THRB: variants seen among roughly 807,000 people sequenced by gnomAD.
The protein encoded by THRB is thyroid hormone receptor beta, also known as nuclear receptor subfamily 1 group A member 2.
A neutral mutation model predicts 47.8 loss-of-function variants in THRB; 12 were observed. The ratio of observed to expected loss-of-function variants is 0.25; its 90% CI spans 0.16 to 0.41. THRB has a LOEUF of 0.41. THRB is among the 10% of genes least tolerant of loss of function. The probability of loss-of-function intolerance (pLI) is 1.00; values close to 1 mark genes in which losing one functional copy is unlikely to be tolerated. For synonymous variants in THRB, 218 were observed against 212.2 expected (o/e 1.03, Z -0.24); for missense variants, 348 against 589.2 (o/e 0.59, Z 4.24).
chr3:24,245,299 T>C (rs2049998745), intron 3 of THRB, among the ~76,000 whole-genome samples: 1 of 152,156 alleles, frequency 6.6e-6, no homozygotes, highest in South Asian at 2.1e-4. Context: ...CAAATGCTTT[T>C]AACTGCTAAG....
chr3:24,336,084 C>T (rs1319244368), intron 2 of THRB, among the ~76,000 whole-genome samples: 1 of 152,204 alleles, frequency 6.6e-6, no homozygotes, highest in Non-Finnish European at 1.5e-5. Flanking sequence ...CTTAGAGAAC[C>T]ATAGGTCTTG....
intron 1 of THRB, among the ~76,000 whole-genome samples, chr3:24,393,820 T>A (rs1489964961): frequency 1.3e-5 from 2 of 152,122 alleles, no homozygotes; most frequent in East Asian, 1.9e-4. Flanking sequence ...AGGAGATGGA[T>A]CTGATGTGTC....
chr3:24,120,503 G>A lies in THRB; in HGVS notation c.*2381C>T, dbSNP rs1393585599. 6.6e-6 allele frequency: 1 copy of A among 152,250 alleles called. No individual in the cohort carries two copies. The highest frequency in any genetic ancestry group is 3.2e-3 in the Middle Eastern group (1 of 316). 9.4% of individuals were successfully genotyped at this position (152,250 alleles called of 1,614,324 possible). A position where few individuals can be genotyped will look rare whatever the true frequency, so the allele number is the denominator to read the frequency against. On this transcript the variant is annotated 3_prime_UTR_variant, in exon 11 of 11. Transcript: ENST00000646209. ...TACTGAGGACCCTGTCAAACAAAAT[G>A]AGGAAACTTTCCCCAGAAGGCCTGA...
chr3:24,448,900 C>CA (rs1227049975), intron 1 of THRB, among the ~76,000 whole-genome samples: 4 of 152,110 alleles, frequency 2.6e-5, no homozygotes, highest in Non-Finnish European at 4.4e-5. Flanking sequence ...AAATAAATGA[C>CA]AGAGAAGCCC....
intron 1 of THRB, among the ~76,000 whole-genome samples, chr3:24,374,828 T>C (rs2065159513): frequency 6.6e-6 from 1 of 152,100 alleles, no homozygotes; most frequent in Non-Finnish European, 1.5e-5. Context: ...ACATTGAGAA[T>C]AGCTGTTAGT....
chr3:24,306,943 T>TA (rs142405050), intron 2 of THRB, among the ~76,000 whole-genome samples: 1,576 of 152,204 alleles, frequency 0.01, 23 homozygotes, highest in African/African-American at 0.036. Context: ...TATCTGGTTC[T>TA]AAAAAAAGTC....
intron 1 of THRB, among the ~76,000 whole-genome samples, chr3:24,423,318 G>C (rs1378993925): frequency 2.0e-5 from 3 of 151,860 alleles, no homozygotes; most frequent in South Asian, 2.1e-4. Flanking sequence ...GAAGTAGATG[G>C]GGAAGGATGA....
At chr3:24,261,514 A>C (rs1339937811) in intron 3 of THRB, among the ~76,000 whole-genome samples, 2 of 150,546 alleles carry the variant, frequency 1.3e-5, no homozygotes, top group Non-Finnish European at 2.9e-5. Context: ...AAAAAAAAAA[A>C]AAAACCAAAA....
chr3:24,302,318 T>C (rs1336611508), intron 2 of THRB, among the ~76,000 whole-genome samples: 1 of 152,204 alleles, frequency 6.6e-6, no homozygotes, highest in Non-Finnish European at 1.5e-5. Context: ...CAAGTTAGCC[T>C]CTGTTCTTGT....
chr3:24,169,759 C>T (rs2360960), intron 5 of THRB, among the ~76,000 whole-genome samples: 1 of 149,272 alleles, frequency 6.7e-6, no homozygotes, highest in Admixed American at 6.7e-5. Flanking sequence ...CTCTAGGTCA[C>T]AGGTCAGCAA....
At chr3:24,317,205 G>A (rs2058176793) in intron 2 of THRB, among the ~76,000 whole-genome samples, 1 of 152,132 alleles carries the variant, frequency 6.6e-6, no homozygotes, top group Admixed American at 6.5e-5. Context: ...CCTGTGACTT[G>A]AGCAGGTTAT....
chr3:24,224,526 C>A (rs2047465024), intron 4 of THRB, among the ~76,000 whole-genome samples: 1 of 152,096 alleles, frequency 6.6e-6, no homozygotes, highest in Non-Finnish European at 1.5e-5. Flanking sequence ...GAATCTATTT[C>A]TGAAGGAAGA....
chr3:24,127,451 C>A (rs778288634), intron 10 of THRB, 48 bp downstream of exon 10: 2 of 1,609,868 alleles, frequency 1.2e-6, no homozygotes, highest in Non-Finnish European at 1.7e-6. Context: ...TAGCGCTAGA[C>A]AAGCAAAAGC....
intron 1 of THRB, among the ~76,000 whole-genome samples, chr3:24,377,373 G>T (rs1430917703): frequency 6.6e-6 from 1 of 152,060 alleles, no homozygotes; most frequent in Non-Finnish European, 1.5e-5. Flanking sequence ...GACCCAAGTT[G>T]GGCCAGTGAC....
intron 1 of THRB, among the ~76,000 whole-genome samples, chr3:24,357,109 T>C (rs993586927): frequency 1.8e-4 from 27 of 151,334 alleles, no homozygotes; most frequent in Non-Finnish European, 2.8e-4. Flanking sequence ...GACCTGAAGA[T>C]TGAAATAAAA....
chr3:24,289,944 C>G (rs552728446), intron 3 of THRB, among the ~76,000 whole-genome samples: 31 of 152,254 alleles, frequency 2.0e-4, no homozygotes, highest in Admixed American at 2.0e-3. Flanking sequence ...CAGTGTCTTT[C>G]ATGAAAAACC....
chr3:24,135,840 TA>T (rs1221098595), intron 8 of THRB, among the ~76,000 whole-genome samples: 2,498 of 121,866 alleles, frequency 0.02, 105 homozygotes, highest in African/African-American at 0.073. Context: ...TATATATATA[TA>T]TATATAATAC....
chr3:24,465,270 C>T (rs546790647), intron 1 of THRB, among the ~76,000 whole-genome samples: 25 of 152,172 alleles, frequency 1.6e-4, no homozygotes, highest in African/African-American at 5.8e-4. Context: ...TATCTAGCGT[C>T]TATTGTTGCT....
intron 3 of THRB, among the ~76,000 whole-genome samples, chr3:24,265,866 G>T (rs1042650534): frequency 1.3e-5 from 2 of 152,116 alleles, no homozygotes; most frequent in Non-Finnish European, 2.9e-5. Flanking sequence ...AAATAAAAAT[G>T]ATATATGAAG....
Sources: gnomAD v4.1 joint callset for allele counts (sites outside exome capture counted in the v4.1 genomes callset) on GRCh38, gnomAD v4.1.1 for gene constraint, MANE v1.5 for transcripts, NCBI Gene and HGNC (gene_info 2026-07-23, HGNC 2026-07-21) for gene names.